The following HERC1 variants were observed in gnomAD, a reference collection of about 807,000 sequenced individuals.
HERC1 encodes HECT and RLD domain containing E3 ubiquitin protein ligase family member 1.
A neutral mutation model predicts 554.3 loss-of-function variants in HERC1; 160 were observed. The ratio of observed to expected loss-of-function variants is 0.29; its 90% CI spans 0.25 to 0.33. HERC1 has a LOEUF of 0.33. Among genes scored for constraint, HERC1 ranks in the 10% least tolerant of loss-of-function variants. The pLI, the probability that HERC1 is intolerant of heterozygous loss-of-function variation, is 1.00. For synonymous variants in HERC1, 2,175 were observed against 2,131.7 expected, an observed-to-expected ratio of 1.02 and a Z score of -0.56; for missense variants, 4,919 against 5,918.5, an observed-to-expected ratio of 0.83 and a Z score of 5.54.
intron 1 of HERC1, among the ~76,000 whole-genome samples, chr15:63,809,899 C>T (rs762222956): frequency 8.5e-4 from 129 of 151,970 alleles, no homozygotes; most frequent in Non-Finnish European, 1.6e-3. Flanking sequence ...AGACTAGTCT[C>T]GAACCCCTGG....
chr15:63,644,279 G>C (rs1189139348), intron 57 of HERC1, among the ~76,000 whole-genome samples: 1 of 152,236 alleles, frequency 6.6e-6, no homozygotes, highest in African/African-American at 2.4e-5. Flanking sequence ...GAAGGCAACA[G>C]AATGTACAAA....
In HERC1 at chr15:63,626,137, G is replaced by A. The variant is rs1261778365; in HGVS notation, c.13123C>T (p.Gln4375Ter). Residue 4375 changes from glutamine to a stop codon, truncating the protein, a stop_gained, in exon 71 of 78, where the codon CAG becomes TAG. Coordinates refer to ENST00000443617, the MANE Select transcript of HERC1 (RefSeq NM_003922.4). LOFTEE classifies it high-confidence loss of function. The part of the protein sequence containing the change: ...PRAPGVSVPL[Q>*]LGLPDTVPPQ... ...GGCACTGTGTCAGGCAGGCCCAGCT[G>A]CAGAGGTACTGACACACCTGTCCAG... 6.2e-7 allele frequency: 1 copy of A among 1,613,434 alleles called. No homozygotes were observed. The highest frequency in any genetic ancestry group is 1.7e-5 in the Admixed American group (1 of 59,894).
Position 63,786,914 on chromosome 15 carries a change from A to ATT in HERC1, c.-26-11267_-26-11266dup, listed in dbSNP as rs780871966. 3.1e-3 allele frequency among the ~76,000 whole-genome samples: 419 copies of ATT among 135,490 alleles called. 1 individual carries two copies. The highest frequency in any genetic ancestry group is 8.2e-3 in the Middle Eastern group (2 of 244). The allele number at this position is 135,490 out of a possible 152,430, so 88.9% of individuals were successfully genotyped here. A position where few individuals can be genotyped will look rare whatever the true frequency, so the allele number is the denominator to read the frequency against. On this transcript the variant is annotated intron_variant, in intron 1 of 77. Coordinates refer to ENST00000443617, the MANE Select transcript of HERC1 (RefSeq NM_003922.4). ...CGTGATGTGAACTTCAACTCAATAA[A>ATT]TTATTATTTTTTTTTTTTTTATTTT... is the stretch of plus-strand genomic sequence containing the variant.
Position 63,831,775 on chromosome 15 carries a change from C to G in HERC1, c.-27+2052G>C, listed in dbSNP as rs575232207. The stretch of plus-strand genomic sequence containing the variant: ...TACTAACCCAATCCAGTCCAATCAC[C>G]AACACATTCTCCAAAATTTCTTTAA... On this transcript the variant is annotated intron_variant, in intron 1 of 77. Transcript: ENST00000443617. Among the ~76,000 whole-genome samples the G allele has an allele frequency of 1.2e-3, 183 of 152,206 alleles. 1 individual carries two copies. Among genetic ancestry groups the G allele is most frequent in the African/African-American group, 4.3e-3 (180 of 41,530 alleles).
At position 63,727,586 on chromosome 15, in the gene HERC1, G is replaced by T; in HGVS notation, c.3346+61C>A. 2 of 1,178,390 alleles carry T rather than the reference G, an allele frequency of 1.7e-6. No homozygotes were observed. The highest frequency in any genetic ancestry group is 1.2e-6 in the Non-Finnish European group (1 of 823,724). 73.0% of individuals were successfully genotyped at this position (1,178,390 alleles called of 1,614,324 possible). ...GACTCCAATGGAAAAACACAGTGAT[G>T]TGTGCAAGAGGAACAACTTTTCTCA... On this transcript the variant is annotated intron_variant, in intron 17 of 77. Transcript: ENST00000443617. This position sits in a 1 kb window ranked among gnomAD's most constrained non-coding sequence, Gnocchi z 4.3.
chr15:63,750,572 T>C (rs1435118370), intron 8 of HERC1, among the ~76,000 whole-genome samples: 2 of 152,162 alleles, frequency 1.3e-5, no homozygotes, highest in South Asian at 2.1e-4. Context: ...ATTTGAGAAT[T>C]TGTTTTTGTC....
At position 63,774,796 on chromosome 15, in the gene HERC1, T is replaced by C. The variant is rs2076070995; in HGVS notation, c.828A>G (p.Ala276=). The change falls in exon 2 of 78, where the codon GCA becomes GCG. Residue 276 remains alanine, a synonymous_variant. Transcript: ENST00000443617. ...EWIEMALGAS[A]VVHTMEKGKL... is the part of the protein sequence containing the mutation. ...TGCCTTTCTCCATGGTGTGTACAAC[T>C]GCCGAAGCCCCCAAAGCCATTTCTA... 8 of 1,614,018 alleles carry C rather than the reference T, an allele frequency of 5.0e-6. No homozygotes were observed. Among genetic ancestry groups the C allele is most frequent in the Non-Finnish European group, 5.9e-6 (7 of 1,179,878 alleles).
intron 1 of HERC1, among the ~76,000 whole-genome samples, chr15:63,819,840 A>T (rs538943638): frequency 6.6e-6 from 1 of 152,298 alleles, no homozygotes; most frequent in East Asian, 1.9e-4. Context: ...ATTCTCATCC[A>T]GTCTGCATCA....
chr15:63,671,845 C>G (rs547209870), intron 39 of HERC1, among the ~76,000 whole-genome samples: 84 of 152,332 alleles, frequency 5.5e-4, no homozygotes, highest in African/African-American at 1.8e-3. Context: ...CATTCTGCTT[C>G]CCTTATTTCA....
chr15:63,698,214 G>C (rs541100649), intron 26 of HERC1, among the ~76,000 whole-genome samples: 130 of 152,146 alleles, frequency 8.5e-4, no homozygotes, highest in Non-Finnish European at 1.4e-3. Flanking sequence ...TCAGAAGCTC[G>C]AGACCAGCCT....
chr15:63,814,217 G>T (rs2077421124), intron 1 of HERC1, among the ~76,000 whole-genome samples: 1 of 152,092 alleles, frequency 6.6e-6, no homozygotes, highest in Non-Finnish European at 1.5e-5. Context: ...TATTCTGTGT[G>T]GTGGGATTAC....
chr15:63,801,466 G>A (rs1030215123), intron 1 of HERC1, among the ~76,000 whole-genome samples: 2 of 152,110 alleles, frequency 1.3e-5, no homozygotes, highest in African/African-American at 2.4e-5. Flanking sequence ...ATTGGTGTAC[G>A]CAAAAAACTC....
At position 63,655,970 on chromosome 15, in the gene HERC1, G is replaced by A. The variant is rs1234609360; in HGVS notation, c.9871-15C>T. The A allele has an allele frequency of 1.2e-6, 2 of 1,602,046 alleles. No homozygotes were observed. The highest frequency in any genetic ancestry group is 4.5e-5 in the East Asian group (2 of 44,612). ...GAAATCAAGTTCTGAAGAAGCAATT[G>A]GAAAAACAGACTTAATTTTTACATG... On this transcript the variant is annotated splice_polypyrimidine_tract_variant and intron_variant, in intron 49 of 77. Transcript: ENST00000443617.
chr15:63,674,543 T>G lies in HERC1; in HGVS notation c.7645A>C (p.Ser2549Arg). ...AENGHNSDCA[S>R]SPVVHEDVEM... Reference sequence around the variant, plus strand: ...ACGTCTTCATGAACAACTGGAGAACTTGCACAGTCTGAGTTGTGGCCATTT... The same window carrying G: ...ACGTCTTCATGAACAACTGGAGAACGTGCACAGTCTGAGTTGTGGCCATTT... The change falls in exon 38 of 78, where the codon AGT (serine) becomes CGT (arginine). Residue 2549 changes from serine to arginine, a missense_variant. Coordinates refer to ENST00000443617, the MANE Select transcript of HERC1 (RefSeq NM_003922.4). The G allele has an allele frequency of 6.2e-7, 1 of 1,613,122 alleles. No individual in the cohort carries two copies. The highest frequency in any genetic ancestry group is 8.5e-7 in the Non-Finnish European group (1 of 1,179,454).
rs564493591 is a variant in HERC1, at chr15:63,624,451, C to T, written c.13276-124G>A. ...GTGGCTCATGCCTGTAGTCCCAGCACTTTGGGAGGCTGTGGTGGGCGGATC... is the reference window on the plus strand; with the variant it reads ...GTGGCTCATGCCTGTAGTCCCAGCATTTTGGGAGGCTGTGGTGGGCGGATC... On this transcript the variant is annotated intron_variant, in intron 71 of 77. Transcript: ENST00000443617. The T allele has an allele frequency of 4.0e-4, 314 of 788,878 alleles. 12 individuals carry two copies. The South Asian group carries it at 5.9e-3, about 15-fold the overall frequency. The allele number at this position is 788,878 out of a possible 1,614,324, so 48.9% of individuals were successfully genotyped here.
chr15:63,759,528 G>GC (rs1364404842), intron 3 of HERC1, among the ~76,000 whole-genome samples: 1 of 152,112 alleles, frequency 6.6e-6, no homozygotes, highest in Non-Finnish European at 1.5e-5. Flanking sequence ...AAAGGAAGAT[G>GC]CCCTTATCTT....
Position 63,660,090 on chromosome 15 carries a change from G to C in HERC1, c.9224-154C>G, listed in dbSNP as rs73441955. ...TCCCAACACTCTGGGAGGCCGAGGC[G>C]ACTGGATCACATGAGGTCAGGAATT... On this transcript the variant is annotated intron_variant, in intron 46 of 77. Coordinates refer to ENST00000443617, the MANE Select transcript of HERC1 (RefSeq NM_003922.4). Among the ~76,000 whole-genome samples the C allele has an allele frequency of 0.033, 5,053 of 152,064 alleles. 281 individuals are homozygous for C. Among genetic ancestry groups the C allele is most frequent in the African/African-American group, 0.11 (4,688 of 41,434 alleles).
Position 63,664,490 on chromosome 15 carries a change from C to T in HERC1, c.8660G>A (p.Arg2887His), listed in dbSNP as rs762861130. 8.1e-6 allele frequency: 13 copies of T among 1,613,224 alleles called. No homozygotes were observed. The highest frequency in any genetic ancestry group is 1.7e-5 in the Admixed American group (1 of 59,962). The change falls in exon 43 of 78, where the codon CGC becomes CAC. Residue 2887 changes from arginine (R) to histidine (H), a missense_variant. By Grantham distance (29) the Arg-to-His change is conservative (BLOSUM62 0). Around this residue, in one of 11 missense-constraint regions of HERC1, gnomAD observed 1,963 missense variants for 2,228.6 expected, o/e 0.88. Transcript: ENST00000443617. ...ATTACCTGCTCTTGCTAGCAGTGTG[C>T]GAGCAGCTAAGTCAAACTTGTGTCT... ...TRRHKFDLAA[R>H]TLLARAAGLY...
chr15:63,758,976 A>T lies in HERC1; in HGVS notation c.1027-607T>A, dbSNP rs1245047492. ...ACTCCTGGGTTCAAGCAATCCTCCC[A>T]CCTCAGCCCCCCAAGTAGCTGAGAT... On this transcript the variant is annotated intron_variant, in intron 3 of 77. Coordinates refer to ENST00000443617, the MANE Select transcript of HERC1 (RefSeq NM_003922.4). The surrounding 1 kb of genome is among the most constrained non-coding windows in gnomAD (Gnocchi z 4.0). 1.3e-5 allele frequency among the ~76,000 whole-genome samples: 2 copies of T among 152,024 alleles called. No individual in the cohort carries two copies. The highest frequency in any genetic ancestry group is 2.9e-5 in the Non-Finnish European group (2 of 67,998).
Sources: gnomAD v4.1 joint callset for allele counts (sites outside exome capture counted in the v4.1 genomes callset) on GRCh38, gnomAD v4.1.1 for gene constraint, gnomAD v4.1.1 regional missense constraint, Gnocchi (gnomAD v3.1) non-coding constraint, MANE v1.5 for transcripts, NCBI Gene and HGNC (gene_info 2026-07-23, HGNC 2026-07-21) for gene names.